Variants in FERMT2 observed in about 807,000 individuals in gnomAD.
FERMT2 encodes the protein FERM domain containing kindlin 2, also known as fermitin family homolog 2.
In FERMT2, 15 loss-of-function variants were observed where a neutral mutation model predicts 82.7. The observed-to-expected ratio is 0.18, with a 90% CI of 0.12 to 0.28. The LOEUF is 0.28. Ranked by LOEUF, FERMT2 falls within the 10% of genes least tolerant of loss-of-function variation. FERMT2 has a pLI of 1.00. For synonymous variants in FERMT2, 274 were observed against 271.5 expected (o/e 1.01, Z -0.09); for missense variants, 645 against 809.4 (o/e 0.80, Z 2.46).
intron 4 of FERMT2, among the ~76,000 whole-genome samples, chr14:52,890,007 T>C (rs1252735627): frequency 6.6e-6 from 1 of 151,352 alleles, no homozygotes; most frequent in Non-Finnish European, 1.5e-5. Flanking sequence ...TGTGCGCCTA[T>C]AGTCTCAGCT....
At chr14:52,893,748 C>T (rs1887090295) in intron 3 of FERMT2, among the ~76,000 whole-genome samples, 1 of 151,898 alleles carries the variant, frequency 6.6e-6, no homozygotes, top group Non-Finnish European at 1.5e-5. Flanking sequence ...ATATGTCCTT[C>T]ACTCATTCTG....
intron 2 of FERMT2, among the ~76,000 whole-genome samples, chr14:52,935,606 T>C (rs971875329): frequency 3.3e-5 from 5 of 152,126 alleles, no homozygotes; most frequent in Non-Finnish European, 7.4e-5. Flanking sequence ...CATGCTGACA[T>C]CCTGATCTTA....
Position 52,878,646 on chromosome 14 carries a change from C to A in FERMT2, c.899G>T (p.Trp300Leu). ...RINQLYEQAK[W>L]AILLEEIECT... ...TTCAATCTCTTCCAGGAGAATGGCC[C>A]ATTTGGCCTGCTCGTAAAGCTGATT... Residue 300 changes from tryptophan (W) to leucine (L), a missense_variant, in exon 7 of 15, where the codon TGG becomes TTG. Coordinates refer to ENST00000341590, the MANE Select transcript of FERMT2 (RefSeq NM_006832.3). 1 of 1,609,004 alleles carries A rather than the reference C, an allele frequency of 6.2e-7. No individual in the cohort carries two copies. The highest frequency in any genetic ancestry group is 1.7e-5 in the Admixed American group (1 of 59,192).
intron 2 of FERMT2, among the ~76,000 whole-genome samples, chr14:52,931,270 G>A (rs966354870): frequency 4.6e-5 from 7 of 152,088 alleles, no homozygotes; most frequent in Non-Finnish European, 1.0e-4. Context: ...AAATATAAAA[G>A]AACAAAATGT....
At chr14:52,908,595 G>A (rs1001755077) in intron 3 of FERMT2, among the ~76,000 whole-genome samples, 64 of 152,272 alleles carry the variant, frequency 4.2e-4, no homozygotes, top group African/African-American at 1.5e-3. Context: ...TAACATTTTA[G>A]AAAAGGCAAG....
intron 2 of FERMT2, among the ~76,000 whole-genome samples, chr14:52,941,746 A>C (rs1301552889): frequency 6.6e-6 from 1 of 152,234 alleles, no homozygotes; most frequent in Non-Finnish European, 1.5e-5. Flanking sequence ...TTAGTTTCTA[A>C]ATAGGCCCAA....
chr14:52,895,386 T>C (rs1887200375), intron 3 of FERMT2, among the ~76,000 whole-genome samples: 1 of 152,216 alleles, frequency 6.6e-6, no homozygotes, highest in South Asian at 2.1e-4. Flanking sequence ...AGCACATTTG[T>C]AATAACTTGA....
At chr14:52,919,884 A>G (rs1183629338) in intron 2 of FERMT2, among the ~76,000 whole-genome samples, 1 of 152,206 alleles carries the variant, frequency 6.6e-6, no homozygotes, top group Non-Finnish European at 1.5e-5. Flanking sequence ...CCCATGAGAA[A>G]CACTATAACT....
intron 2 of FERMT2, among the ~76,000 whole-genome samples, chr14:52,944,900 CTT>C (rs1890257957): frequency 1.3e-5 from 2 of 151,790 alleles, no homozygotes; most frequent in African/African-American, 4.8e-5. Flanking sequence ...CTCAGATTTT[CTT>C]TTTCTTTTTT....
intron 3 of FERMT2, among the ~76,000 whole-genome samples, chr14:52,900,626 A>G (rs1023884809): frequency 6.6e-6 from 1 of 152,210 alleles, no homozygotes; most frequent in Non-Finnish European, 1.5e-5. Flanking sequence ...TGTAAACTGG[A>G]GAAATATAAA....
In FERMT2 at chr14:52,890,444, GA is replaced by G. The variant is rs1239140523; in HGVS notation, c.526+2848del. Among the ~76,000 whole-genome samples, 300 of 104,308 alleles carry G rather than the reference GA, an allele frequency of 2.9e-3. 1 individual carries two copies. Among genetic ancestry groups the G allele is most frequent in the East Asian group, 0.015 (54 of 3,538 alleles). The allele number at this position is 104,308 out of a possible 152,430, so 68.4% of individuals were successfully genotyped here. On this transcript the variant is annotated intron_variant, in intron 4 of 14. Coordinates refer to ENST00000341590, the MANE Select transcript of FERMT2 (RefSeq NM_006832.3). Reference sequence around the variant, plus strand: ...TGGGCGACAGAGTGACACTCCGTCTGAAAAAAAAAAAAAAGAAAAGAAAAAA... The same window carrying G: ...TGGGCGACAGAGTGACACTCCGTCTGAAAAAAAAAAAAAGAAAAGAAAAAA...
chr14:52,917,770 C>G (rs1164192405), intron 3 of FERMT2, among the ~76,000 whole-genome samples: 2 of 152,292 alleles, frequency 1.3e-5, no homozygotes, highest in South Asian at 4.1e-4. Flanking sequence ...TTAAGGGAAG[C>G]CACAGCCCAA....
rs1594918551 is a variant in FERMT2 at position 52,858,138 on chromosome 14, T to G, written c.*239A>C. On this transcript the variant is annotated 3_prime_UTR_variant, in exon 15 of 15. Transcript: ENST00000341590. ...GGTTTGTTCCTGATTTGCCCACTATTTCAGTTTTCAATTCATGGCCCTAAG... is the reference window on the plus strand; with the variant it reads ...GGTTTGTTCCTGATTTGCCCACTATGTCAGTTTTCAATTCATGGCCCTAAG... 2 of 455,214 alleles carry G rather than the reference T, an allele frequency of 4.4e-6. No individual in the cohort carries two copies. Among genetic ancestry groups the G allele is most frequent in the African/African-American group, 1.9e-5 (1 of 51,512 alleles). The allele number at this position is 455,214 out of a possible 1,614,324, so 28.2% of individuals were successfully genotyped here. A position where few individuals can be genotyped will look rare whatever the true frequency, so the allele number is the denominator to read the frequency against.
At chr14:52,939,169 A>G (rs1003869666) in intron 2 of FERMT2, among the ~76,000 whole-genome samples, 8 of 147,484 alleles carry the variant, frequency 5.4e-5, no homozygotes, top group Non-Finnish European at 1.2e-4. Context: ...AGCCTGGCCA[A>G]CATGGTGAAA....
rs554542061 is a variant in FERMT2, at chr14:52,894,821, G to A, written c.392-1394C>T. Among the ~76,000 whole-genome samples, 3 of 148,626 alleles carry A rather than the reference G, an allele frequency of 2.0e-5. No homozygotes were observed. The South Asian group carries it at 6.3e-4, about 31-fold the overall frequency. ...ATGAAACTAGAAGAAAGCATAAGAC[G>A]ACAAAGATTTCTTAGATAGGACACA... is the stretch of plus-strand genomic sequence containing the variant. On this transcript the variant is annotated intron_variant, in intron 3 of 14. Coordinates refer to ENST00000341590, the MANE Select transcript of FERMT2 (RefSeq NM_006832.3).
In FERMT2 at chr14:52,902,887, A is replaced by AAAAAAAAAAC. The variant is rs1417117125; in HGVS notation, c.392-9461_392-9460insGTTTTTTTTT. ...CCGTCTCAAAAAAAAAAAAAAAAAA[A>AAAAAAAAAAC]AAAACCCCAAAACACTGAAAATTAA... is the stretch of plus-strand genomic sequence containing the variant. On this transcript the variant is annotated intron_variant, in intron 3 of 14. Transcript: ENST00000341590. Among the ~76,000 whole-genome samples, 76 of 139,502 alleles carry AAAAAAAAAAC rather than the reference A, an allele frequency of 5.4e-4. 3 individuals are homozygous for AAAAAAAAAAC. The highest frequency in any genetic ancestry group is 1.9e-3 in the African/African-American group (72 of 37,612). The allele number at this position is 139,502 out of a possible 152,430, so 91.5% of individuals were successfully genotyped here.
chr14:52,918,249 G>C (rs1888732663), intron 3 of FERMT2, among the ~76,000 whole-genome samples: 2 of 152,024 alleles, frequency 1.3e-5, no homozygotes, highest in Admixed American at 1.3e-4. Flanking sequence ...ACATTACTAA[G>C]TTTAAAAAAT....
At chr14:52,918,992 G>A (rs1294761325) in intron 3 of FERMT2, 131 bp downstream of exon 3, 2 of 537,082 alleles carry the variant, frequency 3.7e-6, no homozygotes, top group Admixed American at 3.3e-5. Context: ...TAATGAAGTA[G>A]AAATTTCACA....
At chr14:52,889,713 C>G (rs938470706) in intron 4 of FERMT2, among the ~76,000 whole-genome samples, 1 of 152,076 alleles carries the variant, frequency 6.6e-6, no homozygotes, top group Non-Finnish European at 1.5e-5. Context: ...ATGGTATAGT[C>G]TATTGCTCCC....
Sources: gnomAD v4.1 joint callset for allele counts (sites outside exome capture counted in the v4.1 genomes callset) on GRCh38, gnomAD v4.1.1 for gene constraint, MANE v1.5 for transcripts, NCBI Gene and HGNC (gene_info 2026-07-23, HGNC 2026-07-21) for gene names.